Variants in PRR16 observed in about 807,000 individuals in gnomAD.
PRR16 encodes protein Largen.
PRR16 carries 6 observed loss-of-function variants against 18.2 expected under a neutral mutation model. The ratio of observed to expected loss-of-function variants is 0.33; its 90% CI spans 0.18 to 0.65. PRR16 has a LOEUF of 0.65. Ranked by LOEUF, PRR16 falls within the 30% of genes least tolerant of loss-of-function variation. The probability of loss-of-function intolerance (pLI) is 0.74; values close to 1 mark genes in which losing one functional copy is unlikely to be tolerated. For synonymous variants in PRR16, 151 were observed against 147.8 expected, an observed-to-expected ratio of 1.02 and a Z score of -0.16; for missense variants, 412 against 376.6, an observed-to-expected ratio of 1.09 and a Z score of -0.78.
intron 1 of PRR16, among the ~76,000 whole-genome samples, chr5:120,515,969 TAG>T (rs1750976630): frequency 6.6e-6 from 1 of 152,202 alleles, no homozygotes; most frequent in African/African-American, 2.4e-5. Context: ...TTTAAATCTG[TAG>T]TGTTTTTCTT....
At chr5:120,672,302 C>T (rs1756637501) in intron 1 of PRR16, among the ~76,000 whole-genome samples, 1 of 133,178 alleles carries the variant, frequency 7.5e-6, no homozygotes, top group South Asian at 2.5e-4. Context: ...AACAGAGGAA[C>T]TAGTCCTAAG....
chr5:120,479,810 G>A (rs908022001), intron 1 of PRR16, among the ~76,000 whole-genome samples: 1 of 151,818 alleles, frequency 6.6e-6, no homozygotes, highest in African/African-American at 2.4e-5. Flanking sequence ...ATGCCCCATA[G>A]TTTTTAAGTA....
chr5:120,542,420 C>G (rs1751944680), intron 1 of PRR16, among the ~76,000 whole-genome samples: 1 of 152,036 alleles, frequency 6.6e-6, no homozygotes, highest in Admixed American at 6.6e-5. Context: ...CCCTCTATCA[C>G]TATTAACATT....
At chr5:120,523,968 G>A (rs2112656643) in intron 1 of PRR16, among the ~76,000 whole-genome samples, 1 of 152,280 alleles carries the variant, frequency 6.6e-6, no homozygotes, top group South Asian at 2.1e-4. Context: ...AAGGGTCAAT[G>A]TGGTACTTGG....
the PRR16 span, chr5:120,790,687 ACTT>A: frequency 1.3e-5 from 2 of 152,134 alleles, no homozygotes; most frequent in Admixed American, 6.6e-5. Flanking sequence ...TTCTCAGTGA[ACTT>A]CTAATATTTG....
At chr5:120,473,542 T>G (rs1749338595) in intron 1 of PRR16, among the ~76,000 whole-genome samples, 1 of 152,222 alleles carries the variant, frequency 6.6e-6, no homozygotes, top group South Asian at 2.1e-4. Flanking sequence ...AAATGAGTTC[T>G]TTGTAGAACG....
intron 1 of PRR16, among the ~76,000 whole-genome samples, chr5:120,529,449 A>G (rs1751474241): frequency 1.3e-5 from 2 of 152,182 alleles, no homozygotes; most frequent in South Asian, 4.1e-4. Flanking sequence ...ATTTTTAAAA[A>G]GTATCTGTCT....
chr5:120,472,881 T>C (rs1233547906), intron 1 of PRR16, among the ~76,000 whole-genome samples: 3 of 152,190 alleles, frequency 2.0e-5, no homozygotes, highest in Non-Finnish European at 2.9e-5. Flanking sequence ...TCTTATGATG[T>C]TTGCCATAGT....
At chr5:120,552,892 A>G (rs558502924) in intron 1 of PRR16, among the ~76,000 whole-genome samples, 6 of 152,010 alleles carry the variant, frequency 3.9e-5, no homozygotes, top group African/African-American at 1.4e-4. Flanking sequence ...GTGAAAGATT[A>G]GAATTCAAAT....
intron 1 of PRR16, among the ~76,000 whole-genome samples, chr5:120,549,393 C>T (rs1368268904): frequency 6.6e-6 from 1 of 151,968 alleles, no homozygotes; most frequent in Non-Finnish European, 1.5e-5. Context: ...CTCCTTTATT[C>T]TTTAAAAGAG....
Position 120,613,277 on chromosome 5 carries a change from AT to A in PRR16, c.160-72673del, listed in dbSNP as rs548509419. On this transcript the variant is annotated intron_variant, in intron 1 of 1. Coordinates refer to ENST00000407149, the MANE Select transcript of PRR16 (RefSeq NM_001300783.2). ...ATACATAATTCAAACCAGAATTGGT[AT>A]TTTATAAAAAAGAAATACTAGATTT... 2.0e-3 allele frequency among the ~76,000 whole-genome samples: 305 copies of A among 152,262 alleles called. 1 individual carries two copies. Among genetic ancestry groups the A allele is most frequent in the African/African-American group, 7.1e-3 (297 of 41,586 alleles).
intron 1 of PRR16, among the ~76,000 whole-genome samples, chr5:120,598,029 A>G (rs17146822): frequency 6.6e-6 from 1 of 151,850 alleles, no homozygotes; most frequent in African/African-American, 2.4e-5. Context: ...GTATACAAAC[A>G]TACAGGACCG....
chr5:120,751,791 G>GT, the PRR16 span, among the ~76,000 whole-genome samples: 6 of 152,044 alleles, frequency 3.9e-5, no homozygotes, highest in Non-Finnish European at 8.8e-5. Context: ...GGACATCTTT[G>GT]TAGGGGGTGG....
the PRR16 span, among the ~76,000 whole-genome samples, chr5:120,712,840 G>A: frequency 6.6e-6 from 1 of 152,104 alleles, no homozygotes; most frequent in Non-Finnish European, 1.5e-5. Context: ...TGGCAAGAGT[G>A]TTGAGAAAAG....
the PRR16 span, among the ~76,000 whole-genome samples, chr5:120,743,792 A>G: frequency 6.6e-6 from 1 of 152,050 alleles, no homozygotes; most frequent in Admixed American, 6.6e-5. Flanking sequence ...AACTTTGCCT[A>G]ACTTTCATAC....
chr5:120,522,124 ATAAACAT>A (rs1283792841), intron 1 of PRR16, among the ~76,000 whole-genome samples: 1 of 152,210 alleles, frequency 6.6e-6, no homozygotes, highest in African/African-American at 2.4e-5. Context: ...TAGTGCTGCA[ATAAACAT>A]ACGTGTGCAT....
chr5:120,781,744 G>T, the PRR16 span, among the ~76,000 whole-genome samples: 1 of 152,058 alleles, frequency 6.6e-6, no homozygotes, highest in Non-Finnish European at 1.5e-5. Context: ...AATAAAAGCA[G>T]TTTTTTTCTT....
the PRR16 span, among the ~76,000 whole-genome samples, chr5:120,702,257 CGG>C: frequency 3.7e-5 from 4 of 106,986 alleles, no homozygotes; most frequent in Non-Finnish European, 7.9e-5. Context: ...GGTCGGGGCA[CGG>C]AAATAAGGGG....
chr5:120,514,890 C>A (rs1433594386), intron 1 of PRR16, among the ~76,000 whole-genome samples: 1 of 152,156 alleles, frequency 6.6e-6, no homozygotes, highest in East Asian at 1.9e-4. Flanking sequence ...GCCTGCTCTT[C>A]GAAATTCTTC....
Sources: allele counts gnomAD v4.1 joint callset (sites outside exome capture counted in the v4.1 genomes callset), GRCh38; gene constraint gnomAD v4.1.1; transcripts MANE v1.5; gene names NCBI Gene and HGNC (gene_info 2026-07-23, HGNC 2026-07-21).